The following MARCHF8 variants were observed in gnomAD, a reference collection of about 807,000 sequenced individuals.
MARCHF8 encodes E3 ubiquitin-protein ligase MARCHF8.
A neutral mutation model predicts 51.6 loss-of-function variants in MARCHF8; 40 were observed. The observed-to-expected ratio is 0.77, with a 90% confidence interval of 0.60 to 1.01. The LOEUF (loss-of-function observed/expected upper bound fraction) is 1.01, where lower values mean the gene tolerates loss of function less well. Ranked by LOEUF, MARCHF8 falls within the 50% of genes least tolerant of loss-of-function variation. The pLI, the probability that MARCHF8 is intolerant of heterozygous loss-of-function variation, is 0.00. For missense variants in MARCHF8, 685 were observed against 708.6 expected (o/e 0.97, Z 0.38); for synonymous variants, 263 against 280.3 (o/e 0.94, Z 0.62).
rs191929579 is a variant in MARCHF8 at position 45,583,219 on chromosome 10, C to T, written c.-79+11016G>A. ...TTTAAGATACAGAAAAATAAGGGAT[C>T]GGTAATAGATAATGTTGTAGGCAAG... On this transcript the variant is annotated intron_variant, in intron 1 of 6. Transcript: ENST00000319836. Among the ~76,000 whole-genome samples, 247 of 152,078 alleles carry T rather than the reference C, an allele frequency of 1.6e-3. 2 individuals are homozygous for T. The highest frequency in any genetic ancestry group is 0.01 in the Middle Eastern group (3 of 294).
At chr10:45,556,888 C>A (rs2044257175) in intron 1 of MARCHF8, among the ~76,000 whole-genome samples, 1 of 151,944 alleles carries the variant, frequency 6.6e-6, no homozygotes, top group South Asian at 2.1e-4. Context: ...ACAAAAAATC[C>A]AAAACCCTGT....
chr10:45,481,752 C>T (rs913986332), intron 3 of MARCHF8, among the ~76,000 whole-genome samples: 3 of 152,180 alleles, frequency 2.0e-5, no homozygotes, highest in African/African-American at 7.2e-5. Context: ...TGTTTATCAG[C>T]AGCATGAAAA....
intron 1 of MARCHF8, among the ~76,000 whole-genome samples, chr10:45,543,458 A>G (rs2044079426): frequency 6.6e-6 from 1 of 152,222 alleles, no homozygotes; most frequent in South Asian, 2.1e-4. Flanking sequence ...ACTCAAGATA[A>G]GCCACCGACT....
intron 1 of MARCHF8, among the ~76,000 whole-genome samples, chr10:45,561,503 G>A (rs1017850105): frequency 1.3e-5 from 2 of 151,486 alleles, no homozygotes; most frequent in African/African-American, 4.8e-5. Context: ...TTGAACTCCT[G>A]ACCTCAGTAA....
intron 1 of MARCHF8, among the ~76,000 whole-genome samples, chr10:45,575,676 T>C (rs894231484): frequency 4.6e-5 from 7 of 152,214 alleles, no homozygotes; most frequent in Admixed American, 4.6e-4. Context: ...CGTTTTATTT[T>C]TCTTATTAAT....
At chr10:45,513,909 A>C (rs933207051) in intron 2 of MARCHF8, among the ~76,000 whole-genome samples, 9 of 152,174 alleles carry the variant, frequency 5.9e-5, no homozygotes, top group African/African-American at 1.9e-4. Flanking sequence ...TCTGAAAACA[A>C]CACTTCCTCT....
intron 2 of MARCHF8, among the ~76,000 whole-genome samples, chr10:45,522,486 G>C (rs896155006): frequency 2.2e-5 from 2 of 90,322 alleles, no homozygotes; most frequent in African/African-American, 3.7e-5. Context: ...ACAATCCTGG[G>C]GTGTAATACA....
intron 3 of MARCHF8, among the ~76,000 whole-genome samples, chr10:45,474,026 C>T (rs1256633148): frequency 6.6e-6 from 1 of 152,178 alleles, no homozygotes; most frequent in Non-Finnish European, 1.5e-5. Context: ...TCTACCTAAG[C>T]TCCTTACTGT....
At chr10:45,480,195 C>A (rs1476450904) in intron 3 of MARCHF8, among the ~76,000 whole-genome samples, 1 of 152,128 alleles carries the variant, frequency 6.6e-6, no homozygotes, top group Non-Finnish European at 1.5e-5. Context: ...AGCACCAAAG[C>A]ATTCAGGAAG....
chr10:45,473,425 C>T (rs533228022), intron 3 of MARCHF8, among the ~76,000 whole-genome samples: 59 of 152,346 alleles, frequency 3.9e-4, no homozygotes, highest in African/African-American at 1.3e-3. Context: ...ACTCGTGCTA[C>T]GGGCTTCCAC....
chr10:45,533,909 T>C (rs1031524062), intron 1 of MARCHF8, among the ~76,000 whole-genome samples: 10 of 152,164 alleles, frequency 6.6e-5, no homozygotes, highest in East Asian at 3.9e-4. Context: ...ATGGGCCGGG[T>C]GCGGTGGCTC....
intron 2 of MARCHF8, among the ~76,000 whole-genome samples, chr10:45,526,560 A>G (rs2043797664): frequency 1.3e-5 from 2 of 152,294 alleles, no homozygotes; most frequent in South Asian, 4.1e-4. Context: ...GAGGCCAGGC[A>G]CTTTTACACA....
chr10:45,582,848 TGTA>T, intron 1 of MARCHF8, among the ~76,000 whole-genome samples: 1 of 152,144 alleles, frequency 6.6e-6, no homozygotes, highest in East Asian at 1.9e-4. Flanking sequence ...AGAAAGGAAA[TGTA>T]GTCATAGACT....
At chr10:45,513,088 G>A (rs563201640) in intron 2 of MARCHF8, among the ~76,000 whole-genome samples, 13 of 151,326 alleles carry the variant, frequency 8.6e-5, no homozygotes, top group South Asian at 4.2e-4. Flanking sequence ...CAAACACTGC[G>A]GAAGGCTGCA....
chr10:45,500,306 A>G (rs1044637066), intron 2 of MARCHF8, among the ~76,000 whole-genome samples: 1 of 152,082 alleles, frequency 6.6e-6, no homozygotes, highest in Non-Finnish European at 1.5e-5. Flanking sequence ...TGCTGAATTC[A>G]TTTAGTCTGA....
intron 2 of MARCHF8, among the ~76,000 whole-genome samples, chr10:45,529,137 G>T (rs1485283096): frequency 6.6e-6 from 1 of 152,198 alleles, no homozygotes; most frequent in South Asian, 2.1e-4. Flanking sequence ...ACAGCTTACA[G>T]AACCCAAATT....
At chr10:45,530,700 G>A (rs2043864286) in intron 2 of MARCHF8, among the ~76,000 whole-genome samples, 1 of 152,142 alleles carries the variant, frequency 6.6e-6, no homozygotes, top group Admixed American at 6.5e-5. Context: ...TTGAGCCCAG[G>A]AGTTCGTGGC....
intron 3 of MARCHF8, among the ~76,000 whole-genome samples, chr10:45,475,527 C>A (rs1328331463): frequency 6.6e-6 from 1 of 152,200 alleles, no homozygotes; most frequent in Non-Finnish European, 1.5e-5. Context: ...TGAGGTCAGG[C>A]CCACCCAACC....
chr10:45,495,074 C>T (rs1160952599), intron 2 of MARCHF8, among the ~76,000 whole-genome samples: 1 of 151,150 alleles, frequency 6.6e-6, no homozygotes, highest in Admixed American at 6.6e-5. Context: ...GAGCCGAGAT[C>T]GCGCGACTGA....
Sources: allele counts gnomAD v4.1 joint callset (sites outside exome capture counted in the v4.1 genomes callset), GRCh38; gene constraint gnomAD v4.1.1; transcripts MANE v1.5; gene names NCBI Gene and HGNC (gene_info 2026-07-23, HGNC 2026-07-21).